Variants in PTPN22 observed in about 807,000 individuals in gnomAD.
PTPN22 encodes the protein tyrosine-protein phosphatase non-receptor type 22.
Under a neutral mutation model 103.3 loss-of-function variants are expected in PTPN22, and 85 were observed. The ratio of observed to expected loss-of-function variants is 0.82; its 90% confidence interval spans 0.69 to 0.99. PTPN22 has a LOEUF of 0.99. Ranked by LOEUF, PTPN22 falls within the 50% of genes least tolerant of loss-of-function variation. PTPN22 has a pLI of 0.00. For synonymous variants in PTPN22, 323 were observed against 310.2 expected, an observed-to-expected ratio of 1.04 and a Z score of -0.43; for missense variants, 865 against 936.9, an observed-to-expected ratio of 0.92 and a Z score of 1.00.
intron 13 of PTPN22, 49 bp from the exon 14 acceptor site, chr1:113,835,042 C>A: frequency 1.8e-6 from 2 of 1,122,414 alleles, no homozygotes; most frequent in Non-Finnish European, 2.5e-6. Context: ...TAGAACAATC[C>A]AAAGGAAATT....
intron 2 of PTPN22, 39 bp from the exon 3 acceptor site, chr1:113,859,117 C>T (rs547528716): frequency 8.7e-6 from 14 of 1,605,834 alleles, no homozygotes; most frequent in East Asian, 4.5e-5. Context: ...ATTAAGAGGG[C>T]TTAGTCAGCA....
exon 13 of PTPN22, chr1:113,837,754 A>G (rs1437826017): frequency 6.2e-7 from 1 of 1,613,968 alleles, no homozygotes; most frequent in Admixed American, 1.7e-5. Flanking sequence ...ATCAAGAGAC[A>G]TCTTAGAACT....
At chr1:113,830,684 A>C (rs2101926663) in intron 16 of PTPN22, among the ~76,000 whole-genome samples, 1 of 152,256 alleles carries the variant, frequency 6.6e-6, no homozygotes. Flanking sequence ...TTGGTGTGAT[A>C]AGGTAGGTTT....
intron 20 of PTPN22, 70 bp from the exon 21 acceptor site, chr1:113,815,039 G>T: frequency 8.9e-7 from 1 of 1,121,072 alleles, no homozygotes; most frequent in Non-Finnish European, 1.3e-6. Context: ...TTGGATTTTA[G>T]AGTATATTAT....
chr1:113,852,713 C>T (rs181158582), intron 9 of PTPN22, among the ~76,000 whole-genome samples: 2 of 152,242 alleles, frequency 1.3e-5, no homozygotes, highest in Non-Finnish European at 2.9e-5. Flanking sequence ...TGCACCTAAC[C>T]CCCTTGGGGT....
intron 13 of PTPN22, among the ~76,000 whole-genome samples, chr1:113,835,940 A>ATT (rs35200954): frequency 2.4e-4 from 37 of 151,668 alleles, no homozygotes; most frequent in Non-Finnish European, 2.2e-4. Flanking sequence ...TTATTAATTA[A>ATT]TTTTTTTTTG....
At chr1:113,864,768 C>T (rs567457535) in intron 1 of PTPN22, among the ~76,000 whole-genome samples, 78 of 152,158 alleles carry the variant, frequency 5.1e-4, no homozygotes, top group Admixed American at 2.9e-3. Context: ...AAAAATTAGC[C>T]GGGCATGGTG....
intron 1 of PTPN22, among the ~76,000 whole-genome samples, chr1:113,863,037 G>T (rs973607195): frequency 1.3e-5 from 2 of 152,132 alleles, no homozygotes; most frequent in African/African-American, 2.4e-5. Flanking sequence ...AAACCAAGAG[G>T]TTCAACTTTA....
chr1:113,842,531 G>T (rs900539660), intron 11 of PTPN22, among the ~76,000 whole-genome samples: 2 of 151,858 alleles, frequency 1.3e-5, no homozygotes, highest in East Asian at 3.9e-4. Context: ...AAAATTATCT[G>T]GGCGTGGTGG....
At chr1:113,854,284 G>C (rs1025949184) in intron 9 of PTPN22, among the ~76,000 whole-genome samples, 187 bp downstream of exon 9, 2 of 152,290 alleles carry the variant, frequency 1.3e-5, no homozygotes, top group Middle Eastern at 6.8e-3. Flanking sequence ...GATGCTTCTT[G>C]TCTGGGGACC....
chr1:113,851,947 G>T, intron 10 of PTPN22, 80 bp downstream of exon 10: 1 of 1,023,280 alleles, frequency 9.8e-7, no homozygotes, highest in Non-Finnish European at 1.5e-6. Flanking sequence ...TGAGCAGTCA[G>T]CTGTTTTTGG....
intron 13 of PTPN22, among the ~76,000 whole-genome samples, chr1:113,836,232 G>A (rs562071535): frequency 2.6e-5 from 4 of 152,280 alleles, no homozygotes; most frequent in African/African-American, 4.8e-5. Flanking sequence ...ATACCTAAGG[G>A]AGTTAAACTT....
intron 19 of PTPN22, among the ~76,000 whole-genome samples, chr1:113,820,019 A>G (rs987128352): frequency 3.3e-5 from 5 of 151,148 alleles, no homozygotes; most frequent in African/African-American, 9.7e-5. Flanking sequence ...GGCCACTCTT[A>G]GTACATTTTT....
At position 113,831,186 on chromosome 1, in the gene PTPN22, GTTAC is replaced by G. The variant is rs990280546; in HGVS notation, c.2054-1161_2054-1158del. Reference sequence around the variant, plus strand: ...CCCTAACAAAGAACCCATAATGCCTGTTACTTACTACATTAAATCTAAATTCCTC... The same window carrying G: ...CCCTAACAAAGAACCCATAATGCCTGTTACTACATTAAATCTAAATTCCTC... On this transcript the variant is annotated intron_variant, in intron 16 of 20. Transcript: ENST00000359785. Among the ~76,000 whole-genome samples, 16 of 152,226 alleles carry G rather than the reference GTTAC, an allele frequency of 1.1e-4. No individual in the cohort carries two copies. In the East Asian group the frequency reaches 2.5e-3, roughly 24 times the overall value.
chr1:113,854,207 A>C (rs1409636368), intron 9 of PTPN22, among the ~76,000 whole-genome samples: 2 of 152,100 alleles, frequency 1.3e-5, no homozygotes, highest in Admixed American at 1.3e-4. Flanking sequence ...AAAGAGGTGA[A>C]ATTAATTTTA....
In PTPN22 at chr1:113,834,874, C is replaced by T. The variant is rs377351123; in HGVS notation, c.1894+36G>A. ...AAAGGCATGAGCCACCATGCCCATC[C>T]CACACTTTATTTTATACTTACTGAA... On this transcript the variant is annotated intron_variant, in intron 14 of 20. Transcript: ENST00000359785. The T allele has an allele frequency of 2.0e-6, 3 of 1,464,202 alleles. No individual in the cohort carries two copies. In the African/African-American group the frequency reaches 4.3e-5, roughly 21 times the overall value. 90.7% of individuals were successfully genotyped at this position (1,464,202 alleles called of 1,614,324 possible).
chr1:113,859,254 A>T lies in PTPN22; in HGVS notation c.196+98T>A, dbSNP rs909713068. The T allele has an allele frequency of 2.0e-6, 3 of 1,533,012 alleles. No individual in the cohort carries two copies. The African/African-American group carries it at 4.1e-5, about 21-fold the overall frequency. The allele number at this position is 1,533,012 out of a possible 1,614,324, so 95.0% of individuals were successfully genotyped here. A position where few individuals can be genotyped will look rare whatever the true frequency, so the allele number is the denominator to read the frequency against. On this transcript the variant is annotated intron_variant, in intron 2 of 20. Transcript: ENST00000359785. ...TAGTACAAACTAAGTTGTCAATGCC[A>T]TGTTCCAAGATCAGGATCAGTAAGC...
intron 11 of PTPN22, among the ~76,000 whole-genome samples, chr1:113,844,784 G>A (rs887440692): frequency 1.3e-5 from 2 of 151,962 alleles, no homozygotes; most frequent in Non-Finnish European, 2.9e-5. Flanking sequence ...ATACTTTTCC[G>A]TTACCTTTCT....
chr1:113,863,266 T>C (rs781161702), intron 1 of PTPN22, among the ~76,000 whole-genome samples: 1 of 152,176 alleles, frequency 6.6e-6, no homozygotes, highest in Non-Finnish European at 1.5e-5. Context: ...CTAACTTTTG[T>C]ATTTTTATTA....
Sources: allele counts gnomAD v4.1 joint callset (sites outside exome capture counted in the v4.1 genomes callset), GRCh38; gene constraint gnomAD v4.1.1; transcripts MANE v1.5; gene names NCBI Gene and HGNC (gene_info 2026-07-23, HGNC 2026-07-21).